GLB1: variants seen among roughly 807,000 people sequenced by gnomAD.
The protein encoded by GLB1 is beta-galactosidase.
In GLB1, 56 loss-of-function variants were observed where a neutral mutation model predicts 74.0. The observed-to-expected ratio is 0.76, with a 90% CI of 0.61 to 0.94. GLB1 has a LOEUF of 0.94. Among genes scored for constraint, GLB1 ranks in the 40% least tolerant of loss-of-function variants. The pLI is 0.00. For missense variants in GLB1, 787 were observed against 845.5 expected (o/e 0.93, Z 0.86); for synonymous variants, 323 against 323.6 (o/e 1.00, Z 0.02).
chr3:33,057,506 T>C (rs1385846276), intron 6 of GLB1, among the ~76,000 whole-genome samples: 2 of 152,216 alleles, frequency 1.3e-5, no homozygotes, highest in African/African-American at 4.8e-5. Flanking sequence ...ACTTGCAGCA[T>C]CTCCACAGTT....
chr3:33,085,274 C>CAA (rs772490092), intron 1 of GLB1, among the ~76,000 whole-genome samples: 5,029 of 73,976 alleles, frequency 0.068, 665 homozygotes, highest in African/African-American at 0.23. Flanking sequence ...GAGTCTGTTT[C>CAA]AAAAAAAAAA....
chr3:33,063,832 C>T (rs192816573), intron 5 of GLB1, among the ~76,000 whole-genome samples: 46 of 152,228 alleles, frequency 3.0e-4, no homozygotes, highest in African/African-American at 1.1e-3. Flanking sequence ...ACTAGGGGCA[C>T]GTGGGGTGAC....
At chr3:33,037,528 G>C (rs1452439053) in intron 10 of GLB1, among the ~76,000 whole-genome samples, 1 of 152,194 alleles carries the variant, frequency 6.6e-6, no homozygotes, top group Non-Finnish European at 1.5e-5. Flanking sequence ...AAGTAAATCA[G>C]TAGTCCTGGC....
At chr3:32,986,143 A>T in the GLB1 span, among the ~76,000 whole-genome samples, 1 of 152,280 alleles carries the variant, frequency 6.6e-6, no homozygotes, top group African/African-American at 2.4e-5. Context: ...TTATGGAAGC[A>T]GCGCCTCAGG....
intron 15 of GLB1, among the ~76,000 whole-genome samples, chr3:33,002,955 A>G (rs969235777): frequency 6.6e-6 from 1 of 152,192 alleles, no homozygotes; most frequent in African/African-American, 2.4e-5. Context: ...GGAGAATTGA[A>G]AAGAAAAAAA....
chr3:33,057,997 G>T (rs1189647048), intron 6 of GLB1, 92 bp downstream of exon 6: 12 of 1,508,198 alleles, frequency 8.0e-6, no homozygotes, highest in South Asian at 1.2e-5. Context: ...ATCTCAATCT[G>T]CCCATGACAC....
chr3:32,966,313 G>A, the GLB1 span, among the ~76,000 whole-genome samples: 13 of 152,332 alleles, frequency 8.5e-5, no homozygotes, highest in South Asian at 2.1e-4. Context: ...CTGGATGTGA[G>A]ACATGGAGTT....
the GLB1 span, among the ~76,000 whole-genome samples, chr3:32,976,222 C>T: frequency 0.052 from 7,912 of 152,272 alleles, 660 homozygotes; most frequent in East Asian, 0.42. Flanking sequence ...CACTCAGATC[C>T]CTTGGCACTC....
intron 9 of GLB1, among the ~76,000 whole-genome samples, chr3:33,050,216 G>A (rs1053764693): frequency 6.6e-6 from 1 of 152,196 alleles, no homozygotes; most frequent in East Asian, 1.9e-4. Context: ...AAGTGGTGTG[G>A]CCTTTTTGGG....
rs561602819 is a variant in GLB1 at position 33,028,140 on chromosome 3, G to A, written c.1069-3815C>T. Among the ~76,000 whole-genome samples the A allele has an allele frequency of 3.0e-4, 46 of 152,260 alleles. 1 individual carries two copies. Among genetic ancestry groups the A allele is most frequent in the African/African-American group, 1.1e-3 (45 of 41,556 alleles). Reference sequence around the variant, plus strand: ...CCTGGTCTCGAACTCCTGAACTCAAGCGATCCTCCCACCTTGGCCTACCAA... The same window carrying A: ...CCTGGTCTCGAACTCCTGAACTCAAACGATCCTCCCACCTTGGCCTACCAA... On this transcript the variant is annotated intron_variant, in intron 10 of 15. Coordinates refer to ENST00000307363, the MANE Select transcript of GLB1 (RefSeq NM_000404.4).
At chr3:33,034,672 G>T in intron 10 of GLB1, 1 of 730,066 alleles carries the variant, frequency 1.4e-6, no homozygotes, top group South Asian at 1.4e-5. Context: ...CCAACATATT[G>T]GCCATCTCTG....
chr3:32,982,993 G>C, the GLB1 span, among the ~76,000 whole-genome samples: 16,392 of 152,044 alleles, frequency 0.11, 1,126 homozygotes, highest in African/African-American at 0.2. Flanking sequence ...CCACTCCCTT[G>C]AAGTGGCAGT....
intron 1 of GLB1, chr3:33,092,565 C>T: frequency 8.2e-7 from 1 of 1,215,912 alleles, no homozygotes; most frequent in Non-Finnish European, 1.0e-6. Flanking sequence ...TCCACATCAT[C>T]TGGAAAATAG....
chr3:32,999,068 T>G (rs1409628137), intron 15 of GLB1, among the ~76,000 whole-genome samples: 1 of 152,192 alleles, frequency 6.6e-6, no homozygotes, highest in African/African-American at 2.4e-5. Context: ...CTTACATGAT[T>G]AAAGTGAAAA....
intron 15 of GLB1, among the ~76,000 whole-genome samples, chr3:33,005,471 T>C (rs1203285485): frequency 6.6e-6 from 1 of 152,216 alleles, no homozygotes; most frequent in Non-Finnish European, 1.5e-5. Flanking sequence ...TCTTGGGCTC[T>C]TTCTATACCT....
At chr3:32,965,329 G>A in the GLB1 span, among the ~76,000 whole-genome samples, 3 of 152,194 alleles carry the variant, frequency 2.0e-5, no homozygotes, top group African/African-American at 7.2e-5. Context: ...GGACAATAAA[G>A]CCCAGATTGA....
At chr3:33,083,215 T>C (rs1394240108) in intron 1 of GLB1, among the ~76,000 whole-genome samples, 1 of 151,976 alleles carries the variant, frequency 6.6e-6, no homozygotes, top group Non-Finnish European at 1.5e-5. Flanking sequence ...CTGACCAACA[T>C]GGCAAAACCT....
At chr3:33,061,516 G>A (rs1376464782) in intron 5 of GLB1, among the ~76,000 whole-genome samples, 4 of 152,086 alleles carry the variant, frequency 2.6e-5, no homozygotes, top group Non-Finnish European at 5.9e-5. Flanking sequence ...TACAAAAGCG[G>A]CCACAGATGA....
At chr3:33,035,956 G>A (rs1049868340) in intron 10 of GLB1, among the ~76,000 whole-genome samples, 2 of 152,156 alleles carry the variant, frequency 1.3e-5, no homozygotes, top group Non-Finnish European at 2.9e-5. Flanking sequence ...TCTTGGTGAA[G>A]TAGGAGACAG....
Sources: allele counts gnomAD v4.1 joint callset (sites outside exome capture counted in the v4.1 genomes callset), GRCh38; gene constraint gnomAD v4.1.1; transcripts MANE v1.5; gene names NCBI Gene and HGNC (gene_info 2026-07-23, HGNC 2026-07-21).